CPXM2: variants seen among roughly 807,000 people sequenced by gnomAD.
CPXM2 encodes the protein carboxypeptidase X, M14 family member 2, also known as inactive carboxypeptidase-like protein X2.
In CPXM2, 66 loss-of-function variants were observed where a neutral mutation model predicts 86.1. The observed-to-expected ratio is 0.77, with a 90% CI of 0.63 to 0.94. The LOEUF (loss-of-function observed/expected upper bound fraction) is 0.94, where lower values mean the gene tolerates loss of function less well. Among genes scored for constraint, CPXM2 ranks in the 40% least tolerant of loss-of-function variants. The pLI, the probability that CPXM2 is intolerant of heterozygous loss-of-function variation, is 0.00. For missense variants in CPXM2, 948 were observed against 1,026.3 expected (o/e 0.92, Z 1.04); for synonymous variants, 388 against 400.2 (o/e 0.97, Z 0.36).
At chr10:123,756,159 C>A (rs1846203772) in intron 12 of CPXM2, among the ~76,000 whole-genome samples, 1 of 152,172 alleles carries the variant, frequency 6.6e-6, no homozygotes, top group African/African-American at 2.4e-5. Context: ...CTGAGCACAA[C>A]CCATGGAAGG....
chr10:123,910,943 C>T (rs984387157), intron 2 of CPXM2, among the ~76,000 whole-genome samples: 1 of 152,140 alleles, frequency 6.6e-6, no homozygotes, highest in African/African-American at 2.4e-5. Context: ...ATGGGGCCAT[C>T]GTGCTGCTAT....
chr10:123,816,883 T>C (rs1034349819), intron 4 of CPXM2, among the ~76,000 whole-genome samples: 2 of 152,236 alleles, frequency 1.3e-5, no homozygotes, highest in African/African-American at 4.8e-5. Flanking sequence ...ATGACACTGA[T>C]TGGATCCAGT....
In CPXM2 at chr10:123,900,303, A is replaced by C. The variant is rs1945371268; in HGVS notation, n.175-19994T>G. Among the ~76,000 whole-genome samples, 4 of 152,166 alleles carry C rather than the reference A, an allele frequency of 2.6e-5. No individual in the cohort carries two copies. In the South Asian group the frequency reaches 8.3e-4, roughly 32 times the overall value. On this transcript the variant is annotated intron_variant and non_coding_transcript_variant, in intron 2 of 19. Coordinates refer to the CPXM2 transcript ENST00000368854. ...GTGATCTGCCTGCTTTGGCCTCCCA[A>C]AGTGCTGGGATTACAGGCATGAGCC...
chr10:123,913,784 C>T (rs963238922), intron 2 of CPXM2: 3 of 300,990 alleles, frequency 1.0e-5, no homozygotes, highest in South Asian at 2.8e-5. Context: ...GCTCCAGGTC[C>T]GCAGAGATAA....
intron 2 of CPXM2, among the ~76,000 whole-genome samples, chr10:123,902,000 T>G (rs1288930663): frequency 2.6e-5 from 4 of 152,244 alleles, no homozygotes; most frequent in African/African-American, 9.6e-5. Flanking sequence ...AGAGAACTTT[T>G]GTGCAGAGTA....
chr10:123,890,842 A>C (rs985486994), intron 1 of CPXM2, among the ~76,000 whole-genome samples: 1 of 152,156 alleles, frequency 6.6e-6, no homozygotes, highest in Non-Finnish European at 1.5e-5. Flanking sequence ...CCAGCCGGGC[A>C]GAGGACCCAA....
intron 4 of CPXM2, among the ~76,000 whole-genome samples, chr10:123,813,065 T>C (rs1238414662): frequency 1.3e-5 from 2 of 152,216 alleles, no homozygotes; most frequent in Non-Finnish European, 2.9e-5. Context: ...TAGGCCTACA[T>C]ACAGGAAAAC....
intron 2 of CPXM2, among the ~76,000 whole-genome samples, chr10:123,936,368 G>T (rs1435955879): frequency 3.9e-5 from 6 of 152,206 alleles, no homozygotes; most frequent in Non-Finnish European, 5.9e-5. Flanking sequence ...GTCAGGAGCT[G>T]AATGATTCCA....
intron 2 of CPXM2, among the ~76,000 whole-genome samples, chr10:123,879,006 T>C (rs28735910): frequency 0.052 from 7,906 of 152,178 alleles, 264 homozygotes; most frequent in East Asian, 0.11. Context: ...CTGTGCAGAA[T>C]GCGCTCTCCC....
chr10:123,834,409 CAAAT>C (rs1290326521), intron 4 of CPXM2, among the ~76,000 whole-genome samples: 1 of 152,176 alleles, frequency 6.6e-6, no homozygotes, highest in African/African-American at 2.4e-5. Flanking sequence ...TAAGTACAAA[CAAAT>C]AGATAGGTGG....
intron 4 of CPXM2, among the ~76,000 whole-genome samples, chr10:123,833,866 C>T (rs1201406972): frequency 6.6e-6 from 1 of 152,080 alleles, no homozygotes; most frequent in Non-Finnish European, 1.5e-5. Flanking sequence ...AGAATAGGAC[C>T]CTCTACGAAA....
chr10:123,788,829 C>T (rs117082631), intron 6 of CPXM2, among the ~76,000 whole-genome samples: 2,297 of 148,352 alleles, frequency 0.015, 23 homozygotes, highest in Middle Eastern at 0.024. Flanking sequence ...ATCGCCAAAG[C>T]GTACACTTTA....
chr10:123,760,912 C>CA (rs1469041903), intron 11 of CPXM2, among the ~76,000 whole-genome samples: 19 of 148,088 alleles, frequency 1.3e-4, no homozygotes, highest in Non-Finnish European at 1.6e-4. Context: ...TTTGAACCCC[C>CA]AGTCTGACAT....
chr10:123,880,827 T>TAAAAA (rs1945074569), intron 1 of CPXM2, among the ~76,000 whole-genome samples: 2 of 12,586 alleles, frequency 1.6e-4, no homozygotes, highest in South Asian at 1.8e-3. Context: ...AGATTCCGTC[T>TAAAAA]CAAAAAAAAA....
intron 2 of CPXM2, among the ~76,000 whole-genome samples, chr10:123,937,541 G>A (rs1056335616): frequency 2.0e-5 from 3 of 150,638 alleles, no homozygotes; most frequent in Non-Finnish European, 4.4e-5. Flanking sequence ...GAGTTATGGA[G>A]AGAAGCTGTT....
chr10:123,806,502 T>C (rs1847580680), intron 4 of CPXM2, among the ~76,000 whole-genome samples: 2 of 152,198 alleles, frequency 1.3e-5, no homozygotes, highest in Admixed American at 1.3e-4. Context: ...ATGGAGATTA[T>C]ATATTAATGT....
intron 3 of CPXM2, among the ~76,000 whole-genome samples, chr10:123,854,085 G>A (rs1848654955): frequency 6.6e-6 from 1 of 151,486 alleles, no homozygotes. Flanking sequence ...ACCTCCAGGA[G>A]ACGGTCATCT....
intron 4 of CPXM2, among the ~76,000 whole-genome samples, chr10:123,807,632 C>T (rs1194013774): frequency 2.0e-5 from 3 of 152,044 alleles, no homozygotes; most frequent in Admixed American, 2.0e-4. Flanking sequence ...TACAGCAAGT[C>T]GTGGGAGGGC....
intron 2 of CPXM2, among the ~76,000 whole-genome samples, chr10:123,931,778 C>A (rs1267389587): frequency 6.6e-6 from 1 of 152,076 alleles, no homozygotes; most frequent in African/African-American, 2.4e-5. Flanking sequence ...CTCAGTCCAC[C>A]AATAAAATGG....
Sources: allele counts gnomAD v4.1 joint callset (sites outside exome capture counted in the v4.1 genomes callset), GRCh38; gene constraint gnomAD v4.1.1; transcripts MANE v1.5; gene names NCBI Gene and HGNC (gene_info 2026-07-23, HGNC 2026-07-21).